NUP50: variants seen among roughly 807,000 people sequenced by gnomAD.
NUP50 encodes the protein nuclear pore complex protein Nup50.
A neutral mutation model predicts 36.8 loss-of-function variants in NUP50; 14 were observed. The observed-to-expected ratio is 0.38, with a 90% CI of 0.25 to 0.59. The LOEUF is 0.59. Ranked by LOEUF, NUP50 falls within the 20% of genes least tolerant of loss-of-function variation. NUP50 has a pLI of 0.63. For missense variants in NUP50, 455 were observed against 564.6 expected (o/e 0.81, Z 1.97); for synonymous variants, 195 against 210.8 (o/e 0.93, Z 0.65).
At chr22:45,170,375 C>T (rs920311543) in intron 2 of NUP50, among the ~76,000 whole-genome samples, 39 of 152,256 alleles carry the variant, frequency 2.6e-4, no homozygotes, top group African/African-American at 8.4e-4. Flanking sequence ...ACTCTACAGT[C>T]GTACCTTATC....
rs1321394399 is a variant in NUP50, at chr22:45,185,493, A to C, written c.*838A>C. 6.6e-6 allele frequency: 1 copy of C among 152,124 alleles called. No individual in the cohort carries two copies. The highest frequency in any genetic ancestry group is 2.4e-5 in the African/African-American group (1 of 41,394). 9.4% of individuals were successfully genotyped at this position (152,124 alleles called of 1,614,324 possible). A position where few individuals can be genotyped will look rare whatever the true frequency, so the allele number is the denominator to read the frequency against. Reference sequence around the variant, plus strand: ...AGTCAAATGAGACCATCCGAGAAAAAGATGCGCATAGGCATTTGTACCATG... The same window carrying C: ...AGTCAAATGAGACCATCCGAGAAAACGATGCGCATAGGCATTTGTACCATG... On this transcript the variant is annotated 3_prime_UTR_variant, in exon 8 of 8. Transcript: ENST00000347635.
rs1455164072 is a variant in NUP50, at chr22:45,185,974, A to G, written c.*1319A>G. 3 of 152,288 alleles carry G rather than the reference A, an allele frequency of 2.0e-5. No individual in the cohort carries two copies. The East Asian group carries it at 5.8e-4, about 29-fold the overall frequency. 9.4% of individuals were successfully genotyped at this position (152,288 alleles called of 1,614,324 possible). A position where few individuals can be genotyped will look rare whatever the true frequency, so the allele number is the denominator to read the frequency against. ...TGTTCTGATCTTCAGTGCGTAGCAC[A>G]TTCTCCATTTAGAAAAGAGTGGTCA... On this transcript the variant is annotated 3_prime_UTR_variant, in exon 8 of 8. Coordinates refer to ENST00000347635, the MANE Select transcript of NUP50 (RefSeq NM_007172.4).
rs2074197664 is a variant in NUP50 at position 45,171,699 on chromosome 22, C to CTTTAA, written c.153+16_153+17insTTTAA. On this transcript the variant is annotated intron_variant, in intron 3 of 7. Coordinates refer to ENST00000347635, the MANE Select transcript of NUP50 (RefSeq NM_007172.4). ...TGGATTTGAAGTGAGTGCCCCCTTA[C>CTTTAA]AGCTCTTGCTATTAAATACTCATTT... 1 of 1,604,808 alleles carries CTTTAA rather than the reference C, an allele frequency of 6.2e-7. No individual in the cohort carries two copies. Among genetic ancestry groups the CTTTAA allele is most frequent in the Non-Finnish European group, 8.5e-7 (1 of 1,171,816 alleles).
At position 45,186,477 on chromosome 22, in the gene NUP50, C is replaced by A. The variant is rs2083448466; in HGVS notation, c.*1822C>A. On this transcript the variant is annotated 3_prime_UTR_variant, in exon 8 of 8. Transcript: ENST00000347635. ...GTTTGTTGCAACTTAGCCACACATG[C>A]TTCCCTGGTACCAGCTGGAATCAGC... 2 of 152,290 alleles carry A rather than the reference C, an allele frequency of 1.3e-5. No homozygotes were observed. Among genetic ancestry groups the A allele is most frequent in the Admixed American group, 1.3e-4 (2 of 15,284 alleles). The allele number at this position is 152,290 out of a possible 1,614,324, so 9.4% of individuals were successfully genotyped here.
intron 1 of NUP50, among the ~76,000 whole-genome samples, chr22:45,167,180 A>G (rs1297535520): frequency 6.6e-6 from 1 of 152,186 alleles, no homozygotes; most frequent in Admixed American, 6.5e-5. Context: ...AGTATCACGA[A>G]GGAGTTCAGG....
chr22:45,172,376 A>T (rs2074209042), intron 3 of NUP50, among the ~76,000 whole-genome samples: 1 of 152,144 alleles, frequency 6.6e-6, no homozygotes, highest in African/African-American at 2.4e-5. Flanking sequence ...AAACATCAAG[A>T]ATAGACTATA....
Position 45,165,239 on chromosome 22 carries a change from C to A in NUP50, c.-11+943C>A, listed in dbSNP as rs151150030. 1.7e-3 allele frequency among the ~76,000 whole-genome samples: 261 copies of A among 152,220 alleles called. 2 individuals carry two copies. The highest frequency in any genetic ancestry group is 6.0e-3 in the African/African-American group (248 of 41,530). On this transcript the variant is annotated intron_variant, in intron 1 of 7. Transcript: ENST00000347635. ...CACAAACGCAAACGTTTTTTAAATTCCCTTTTATTGATTGTTTGATTGAGA... is the reference window on the plus strand; with the variant it reads ...CACAAACGCAAACGTTTTTTAAATTACCTTTTATTGATTGTTTGATTGAGA...
rs528839111 is a variant in NUP50 at position 45,172,555 on chromosome 22, T to C, written c.153+872T>C. 1.8e-4 allele frequency among the ~76,000 whole-genome samples: 28 copies of C among 152,282 alleles called. No individual in the cohort carries two copies. The South Asian group carries it at 5.6e-3, about 30-fold the overall frequency. On this transcript the variant is annotated intron_variant, in intron 3 of 7. Transcript: ENST00000347635. The stretch of plus-strand genomic sequence containing the variant: ...ACTTCCTGGGAGCGGAAATACTTAC[T>C]TTCCTGAGCGTTCTCCTTAAGGGAC...
intron 1 of NUP50, chr22:45,166,115 T>C (rs944469992): frequency 9.9e-5 from 15 of 152,184 alleles, no homozygotes; most frequent in African/African-American, 3.6e-4. Flanking sequence ...TATACTGATT[T>C]GGTGAGTATG....
chr22:45,181,224 T>C (rs1569055587), intron 5 of NUP50, 62 bp from the exon 6 acceptor site: 4 of 1,123,090 alleles, frequency 3.6e-6, no homozygotes, highest in Non-Finnish European at 4.9e-6. Context: ...GTAACAAAAC[T>C]TCAGTCACTT....
At chr22:45,166,964 T>A (rs578224816) in intron 1 of NUP50, among the ~76,000 whole-genome samples, 1 of 152,336 alleles carries the variant, frequency 6.6e-6, no homozygotes, top group East Asian at 1.9e-4. Context: ...AGCCCGTATG[T>A]AATTACTCCA....
In NUP50 at chr22:45,175,779, C is replaced by G; in HGVS notation, c.154-115C>G. On this transcript the variant is annotated intron_variant, in intron 3 of 7. Coordinates refer to ENST00000347635, the MANE Select transcript of NUP50 (RefSeq NM_007172.4). ...CTTGTGCCAGCAGTTTGCCTTATAACGCTGACTGCATGTGGAGTCTAGGTG... is the reference window on the plus strand; with the variant it reads ...CTTGTGCCAGCAGTTTGCCTTATAAGGCTGACTGCATGTGGAGTCTAGGTG... The G allele has an allele frequency of 3.5e-6, 3 of 866,394 alleles. No individual in the cohort carries two copies. In the South Asian group the frequency reaches 5.6e-5, roughly 16 times the overall value. The allele number at this position is 866,394 out of a possible 1,614,324, so 53.7% of individuals were successfully genotyped here.
chr22:45,164,635 G>C (rs13054231), intron 1 of NUP50: 5 of 152,958 alleles, frequency 3.3e-5, no homozygotes, highest in African/African-American at 1.2e-4. Flanking sequence ...GGGGAGCGAC[G>C]GGTGGAGGGT....
At chr22:45,174,804 C>A (rs10854831) in intron 3 of NUP50, among the ~76,000 whole-genome samples, 7,999 of 152,196 alleles carry the variant, frequency 0.053, 559 homozygotes, top group African/African-American at 0.15. Flanking sequence ...ATACAAGTTA[C>A]AATTTTCCAT....
intron 2 of NUP50, chr22:45,171,307 C>G: frequency 8.3e-6 from 5 of 604,332 alleles, no homozygotes; most frequent in Non-Finnish European, 1.2e-5. Context: ...TCAAGTGATT[C>G]TCCTGCCTCA....
rs1232382851 is a variant in NUP50, at chr22:45,178,617, C to T, written c.720C>T (p.Gly240=). ...LQQESTFLFH[G]NKTEDTPDKK... is the part of the protein sequence containing the mutation. ...AAGAGTCAACGTTTTTGTTTCATGG[C>T]AACAAAACTGAAGATACACCTGACA... The change falls in exon 5 of 8, where the codon GGC becomes GGT. Residue 240 remains glycine (G), a synonymous_variant. Coordinates refer to ENST00000347635, the MANE Select transcript of NUP50 (RefSeq NM_007172.4). 3.7e-6 allele frequency: 6 copies of T among 1,611,650 alleles called. No individual in the cohort carries two copies. Among genetic ancestry groups the T allele is most frequent in the Non-Finnish European group, 5.1e-6 (6 of 1,179,836 alleles).
chr22:45,171,225 C>A, intron 2 of NUP50: 1 of 1,101,472 alleles, frequency 9.1e-7, no homozygotes, highest in Non-Finnish European at 1.1e-6. Context: ...TTGAGACAGT[C>A]TTGCTCTGTT....
intron 5 of NUP50, among the ~76,000 whole-genome samples, chr22:45,179,842 T>A (rs1232478701): frequency 2.0e-5 from 3 of 152,140 alleles, no homozygotes; most frequent in Admixed American, 6.5e-5. Flanking sequence ...CGTGGTTGCA[T>A]CACTGCACTC....
rs145812870 is a variant in NUP50, at chr22:45,165,587, C to G, written c.-11+1291C>G. Among the ~76,000 whole-genome samples the G allele has an allele frequency of 7.8e-3, 1,184 of 152,276 alleles. 8 individuals carry two copies. The highest frequency in any genetic ancestry group is 0.02 in the Middle Eastern group (6 of 294). Reference sequence around the variant, plus strand: ...TTTACAGAGGGTTTTTTCTCCCCCCCACTTCTAGCATAAAAGTAAAATGTA... The same window carrying G: ...TTTACAGAGGGTTTTTTCTCCCCCCGACTTCTAGCATAAAAGTAAAATGTA... On this transcript the variant is annotated intron_variant, in intron 1 of 7. Transcript: ENST00000347635.
Sources: gnomAD v4.1 joint callset for allele counts (sites outside exome capture counted in the v4.1 genomes callset) on GRCh38, gnomAD v4.1.1 for gene constraint, MANE v1.5 for transcripts, NCBI Gene and HGNC (gene_info 2026-07-23, HGNC 2026-07-21) for gene names.